The following RYR2 variants were observed in gnomAD, a reference collection of about 807,000 sequenced individuals.
RYR2 encodes the protein cardiac muscle ryanodine receptor-calcium release channel.
A neutral mutation model predicts 601.1 loss-of-function variants in RYR2; 227 were observed. That is an observed-to-expected ratio of 0.38 (90% CI 0.34 to 0.42). The LOEUF is 0.42. Ranked by LOEUF, RYR2 falls within the 10% of genes least tolerant of loss-of-function variation. The pLI is 1.00. For synonymous variants in RYR2, 2,223 were observed against 2,175.1 expected, an observed-to-expected ratio of 1.02 and a Z score of -0.61; for missense variants, 4,646 against 6,156.5, an observed-to-expected ratio of 0.75 and a Z score of 8.21.
At chr1:237,524,736 A>C (rs1667405010) in intron 24 of RYR2, among the ~76,000 whole-genome samples, 1 of 151,944 alleles carries the variant, frequency 6.6e-6, no homozygotes, top group African/African-American at 2.4e-5. Context: ...ATAGACATAT[A>C]TGTATATACA....
chr1:237,586,358 T>C (rs567541109), intron 29 of RYR2, among the ~76,000 whole-genome samples: 1 of 152,332 alleles, frequency 6.6e-6, no homozygotes, highest in East Asian at 1.9e-4. Flanking sequence ...TTTTACCTTT[T>C]TGTACCATTT....
chr1:237,733,645 A>G, intron 78 of RYR2, 60 bp from the exon 79 acceptor site: 1 of 1,036,728 alleles, frequency 9.6e-7, no homozygotes, highest in South Asian at 1.3e-5. Context: ...CAGCGATGAT[A>G]CGTGTGCATG....
chr1:237,769,739 C>CT (rs370357517), intron 84 of RYR2, among the ~76,000 whole-genome samples: 26,281 of 125,130 alleles, frequency 0.21, 2,500 homozygotes, highest in Middle Eastern at 0.25. Context: ...GTAAAAAGTT[C>CT]TTTTTTTTTT....
At chr1:237,689,463 A>T (rs1686747015) in intron 63 of RYR2, among the ~76,000 whole-genome samples, 1 of 152,160 alleles carries the variant, frequency 6.6e-6, no homozygotes, top group Non-Finnish European at 1.5e-5. Context: ...CTGTTCTTGA[A>T]ATTCCATTTT....
Position 237,343,828 on chromosome 1 carries a change from T to G in RYR2, c.274-12137T>G, listed in dbSNP as rs143242502. Among the ~76,000 whole-genome samples the G allele has an allele frequency of 4.0e-3, 608 of 151,780 alleles. 2 individuals are homozygous for G. The highest frequency in any genetic ancestry group is 0.013 in the African/African-American group (554 of 41,400). Reference sequence around the variant, plus strand: ...CCCCATAAGAGGTTTTTTGTTTTTTTTTTTTTTTTGAGACAGAGTTTACTT... The same window carrying G: ...CCCCATAAGAGGTTTTTTGTTTTTTGTTTTTTTTTGAGACAGAGTTTACTT... On this transcript the variant is annotated intron_variant, in intron 3 of 104. Transcript: ENST00000366574.
intron 2 of RYR2, among the ~76,000 whole-genome samples, chr1:237,301,188 A>T (rs184075871): frequency 1.3e-5 from 2 of 152,246 alleles, no homozygotes; most frequent in African/African-American, 4.8e-5. Context: ...TCATAATGAA[A>T]ATTCTACTTA....
At chr1:237,277,264 G>A (rs1028173467) in intron 2 of RYR2, among the ~76,000 whole-genome samples, 13 of 152,078 alleles carry the variant, frequency 8.5e-5, no homozygotes, top group African/African-American at 3.1e-4. Flanking sequence ...TTTTATAAGC[G>A]CATGTGCACA....
chr1:237,324,652 G>T (rs950266983), intron 2 of RYR2, among the ~76,000 whole-genome samples: 2 of 152,120 alleles, frequency 1.3e-5, no homozygotes, highest in African/African-American at 2.4e-5. Flanking sequence ...TCTCTTTGAA[G>T]TCGGATAAGT....
At chr1:237,082,310 T>C (rs1188394710) in intron 1 of RYR2, among the ~76,000 whole-genome samples, 1 of 151,978 alleles carries the variant, frequency 6.6e-6, no homozygotes, top group African/African-American at 2.4e-5. Context: ...AGCATGACTC[T>C]ATTCTGCTAT....
intron 27 of RYR2, among the ~76,000 whole-genome samples, chr1:237,558,291 A>G (rs1384533490): frequency 6.6e-6 from 1 of 152,242 alleles, no homozygotes; most frequent in Non-Finnish European, 1.5e-5. Flanking sequence ...GTTGAAATAG[A>G]AAATGAGTTT....
In RYR2 at chr1:237,180,652, G is replaced by A. The variant is rs61832388; in HGVS notation, c.49-89845G>A. On this transcript the variant is annotated intron_variant, in intron 1 of 104. Transcript: ENST00000366574. The surrounding 1 kb of genome is among the most constrained non-coding windows in gnomAD (Gnocchi z 5.3). ...TATGTGTATATATGTATATGTATAT[G>A]TGTATATATGTATACATGTGTATAT... Among the ~76,000 whole-genome samples, 3 of 138,240 alleles carry A rather than the reference G, an allele frequency of 2.2e-5. No individual in the cohort carries two copies. Among genetic ancestry groups the A allele is most frequent in the East Asian group, 2.1e-4 (1 of 4,842 alleles). The allele number at this position is 138,240 out of a possible 152,430, so 90.7% of individuals were successfully genotyped here. A position where few individuals can be genotyped will look rare whatever the true frequency, so the allele number is the denominator to read the frequency against.
intron 1 of RYR2, among the ~76,000 whole-genome samples, chr1:237,247,165 C>A (rs2149258071): frequency 6.6e-6 from 1 of 152,210 alleles, no homozygotes; most frequent in Non-Finnish European, 1.5e-5. Context: ...GATTTTCTTT[C>A]CTAATTTTTC....
At chr1:237,419,721 G>C (rs965398009) in intron 11 of RYR2, among the ~76,000 whole-genome samples, 1 of 152,150 alleles carries the variant, frequency 6.6e-6, no homozygotes, top group East Asian at 1.9e-4. Context: ...GAAAGTAGGA[G>C]ATTCATATGT....
At chr1:237,787,610 A>C (rs1431017197) in intron 91 of RYR2, among the ~76,000 whole-genome samples, 6 of 151,744 alleles carry the variant, frequency 4.0e-5, no homozygotes, top group African/African-American at 1.2e-4. Context: ...AAAAAAAAAA[A>C]AAAAAAAAGG....
chr1:237,748,107 TG>T (rs1692232865), intron 80 of RYR2, among the ~76,000 whole-genome samples: 1 of 152,062 alleles, frequency 6.6e-6, no homozygotes, highest in Admixed American at 6.6e-5. Context: ...AACACTTTAT[TG>T]GGGGAAGGGG....
chr1:237,430,964 T>C (rs1363672161), intron 12 of RYR2, among the ~76,000 whole-genome samples: 1 of 152,196 alleles, frequency 6.6e-6, no homozygotes, highest in Non-Finnish European at 1.5e-5. Flanking sequence ...ATGTCACAGG[T>C]TGCATGGAGG....
chr1:237,419,288 T>C (rs959264580), intron 11 of RYR2, among the ~76,000 whole-genome samples: 1 of 151,854 alleles, frequency 6.6e-6, no homozygotes, highest in African/African-American at 2.4e-5. Context: ...CCTACATCTG[T>C]CTTATTTTTG....
intron 1 of RYR2, among the ~76,000 whole-genome samples, chr1:237,236,261 A>G (rs959594848): frequency 6.6e-6 from 1 of 152,198 alleles, no homozygotes. Context: ...CGTAGCACTC[A>G]TTGTGAGAAA....
At chr1:237,779,071 A>G (rs1048203046) in intron 88 of RYR2, among the ~76,000 whole-genome samples, 4 of 152,212 alleles carry the variant, frequency 2.6e-5, no homozygotes, top group African/African-American at 9.6e-5. Context: ...ACATTTCACA[A>G]GCTTCATCTT....
Sources: allele counts gnomAD v4.1 joint callset (sites outside exome capture counted in the v4.1 genomes callset), GRCh38; gene constraint gnomAD v4.1.1; non-coding constraint Gnocchi (gnomAD v3.1); transcripts MANE v1.5; gene names NCBI Gene and HGNC (gene_info 2026-07-23, HGNC 2026-07-21).